The following GALNT7 variants were observed in gnomAD, a reference collection of about 807,000 sequenced individuals.
GALNT7 encodes the protein N-acetylgalactosaminyltransferase 7.
In GALNT7, 60 loss-of-function variants were observed where a neutral mutation model predicts 82.1. That is an observed-to-expected ratio of 0.73 (90% CI 0.59 to 0.91). GALNT7 has a LOEUF of 0.91. GALNT7 is among the 40% of genes least tolerant of loss of function. The pLI is 0.00. For synonymous variants in GALNT7, 243 were observed against 275.1 expected (o/e 0.88, Z 1.15); for missense variants, 660 against 804.2 (o/e 0.82, Z 2.17).
chr4:173,219,430 A>G (rs1207629865), intron 1 of GALNT7, among the ~76,000 whole-genome samples: 2 of 152,042 alleles, frequency 1.3e-5, no homozygotes, highest in African/African-American at 4.8e-5. Flanking sequence ...TGTTTTTGCA[A>G]TTGCGAATTG....
In GALNT7 at chr4:173,304,189, A is replaced by G. The variant is rs750565961; in HGVS notation, c.1389+71A>G. On this transcript the variant is annotated intron_variant, in intron 8 of 11. Coordinates refer to ENST00000265000, the MANE Select transcript of GALNT7 (RefSeq NM_017423.3). ...GTACCACATGCTATAGTAGTTACTT[A>G]ACAATTGTCAGCTTATTGAGTGGGC... The G allele has an allele frequency of 3.7e-4, 491 of 1,337,542 alleles. 1 individual carries two copies. The highest frequency in any genetic ancestry group is 4.8e-4 in the Non-Finnish European group (465 of 963,852). 82.9% of individuals were successfully genotyped at this position (1,337,542 alleles called of 1,614,324 possible). A position where few individuals can be genotyped will look rare whatever the true frequency, so the allele number is the denominator to read the frequency against.
At chr4:173,276,836 A>G (rs1735930003) in intron 2 of GALNT7, among the ~76,000 whole-genome samples, 1 of 152,142 alleles carries the variant, frequency 6.6e-6, no homozygotes, top group Non-Finnish European at 1.5e-5. Context: ...CTCATTTCAA[A>G]CAGTATTTTA....
intron 1 of GALNT7, among the ~76,000 whole-genome samples, chr4:173,217,729 C>T (rs548201306): frequency 5.9e-4 from 90 of 152,272 alleles, no homozygotes; most frequent in Non-Finnish European, 7.5e-4. Flanking sequence ...GCCATATGCG[C>T]TTTAAGACAC....
rs931180215 is a variant in GALNT7, at chr4:173,320,421, T to C, written c.1837-1159T>C. On this transcript the variant is annotated intron_variant, in intron 11 of 11. Transcript: ENST00000265000. The surrounding 1 kb of genome is among the most constrained non-coding windows in gnomAD (Gnocchi z 4.1). ...TGACATTTTTAATGAAAAATAACTA[T>C]GTTTACCCACAAAAAATAGTGAGAA... 6.6e-6 allele frequency among the ~76,000 whole-genome samples: 1 copy of C among 152,148 alleles called. No individual in the cohort carries two copies. The highest frequency in any genetic ancestry group is 2.1e-4 in the South Asian group (1 of 4,830).
chr4:173,297,224 T>A (rs1387691766), intron 5 of GALNT7, among the ~76,000 whole-genome samples: 1 of 151,806 alleles, frequency 6.6e-6, no homozygotes, highest in African/African-American at 2.4e-5. Flanking sequence ...TTTTTTTTTT[T>A]AAAGCAACAA....
At position 173,248,059 on chromosome 4, in the gene GALNT7, T is replaced by TG; in HGVS notation, c.208dup (p.Val70GlyfsTer7). The TG allele has an allele frequency of 6.2e-7, 1 of 1,613,648 alleles. No individual in the cohort carries two copies. The highest frequency in any genetic ancestry group is 8.5e-7 in the Non-Finnish European group (1 of 1,179,672). ...CCTGGGGAGGACAGATTCAAACCTG[T>TG]GGTACCATGGCCTCATGTTGAAGGA... is the stretch of plus-strand genomic sequence containing the variant. On this transcript the variant is annotated frameshift_variant, in exon 2 of 12. Coordinates refer to ENST00000265000, the MANE Select transcript of GALNT7 (RefSeq NM_017423.3). LOFTEE classifies it high-confidence loss of function.
intron 2 of GALNT7, among the ~76,000 whole-genome samples, chr4:173,280,542 T>C (rs1240974542): frequency 6.6e-6 from 1 of 152,170 alleles, no homozygotes; most frequent in African/African-American, 2.4e-5. Context: ...TAAGAATAAC[T>C]CTAATCATTG....
rs778484107 is a variant in GALNT7 at position 173,295,391 on chromosome 4, A to G, written c.755-5A>G. On this transcript the variant is annotated splice_region_variant and splice_polypyrimidine_tract_variant and intron_variant, in intron 3 of 11. Transcript: ENST00000265000. ...TTTATAATATCGATTGATTTTTCTT[A>G]ACAGAACACTTAAAAGAAAAACTGG... 1 of 1,555,234 alleles carries G rather than the reference A, an allele frequency of 6.4e-7. No homozygotes were observed. The highest frequency in any genetic ancestry group is 8.9e-7 in the Non-Finnish European group (1 of 1,128,598).
chr4:173,184,414 C>G (rs996742257), intron 1 of GALNT7, among the ~76,000 whole-genome samples: 4 of 152,016 alleles, frequency 2.6e-5, no homozygotes, highest in African/African-American at 9.7e-5. Context: ...CCGACCAACA[C>G]GGCGAAACCC....
chr4:173,193,704 T>C (rs1732692544), intron 1 of GALNT7, among the ~76,000 whole-genome samples: 1 of 152,152 alleles, frequency 6.6e-6, no homozygotes, highest in African/African-American at 2.4e-5. Flanking sequence ...GAAAAAGGCA[T>C]TTACCAACCT....
At position 173,180,340 on chromosome 4, in the gene GALNT7, T is replaced by TTA. The variant is rs1325010180; in HGVS notation, c.126+11380_126+11381insAT. 5.5e-4 allele frequency among the ~76,000 whole-genome samples: 83 copies of TTA among 150,556 alleles called. 1 individual carries two copies. In the East Asian group the frequency reaches 0.016, roughly 29 times the overall value. On this transcript the variant is annotated intron_variant, in intron 1 of 11. Transcript: ENST00000265000. Reference sequence around the variant, plus strand: ...TATTGGAGTTCCTTTTTTTTTTTTTTTTTTGAGATGGAGTTACACTGTTGT... The same window carrying TTA: ...TATTGGAGTTCCTTTTTTTTTTTTTTTATTTTGAGATGGAGTTACACTGTTGT...
At chr4:173,258,561 A>G (rs1735129614) in intron 2 of GALNT7, among the ~76,000 whole-genome samples, 1 of 152,218 alleles carries the variant, frequency 6.6e-6, no homozygotes, top group African/African-American at 2.4e-5. Context: ...GATCAGCAGC[A>G]TCACTGTCCC....
chr4:173,215,907 G>A (rs1733431149), intron 1 of GALNT7, among the ~76,000 whole-genome samples: 1 of 152,042 alleles, frequency 6.6e-6, no homozygotes, highest in South Asian at 2.1e-4. Context: ...CCAGGAGTTC[G>A]AGACCAGCCT....
At chr4:173,282,690 T>C (rs977611654) in intron 2 of GALNT7, among the ~76,000 whole-genome samples, 39 of 152,210 alleles carry the variant, frequency 2.6e-4, no homozygotes, top group African/African-American at 8.7e-4. Flanking sequence ...CCATTTACTT[T>C]ACCATTTGGA....
At chr4:173,230,977 G>A (rs1734012300) in intron 1 of GALNT7, among the ~76,000 whole-genome samples, 1 of 152,168 alleles carries the variant, frequency 6.6e-6, no homozygotes, top group Non-Finnish European at 1.5e-5. Flanking sequence ...CATAGCCACA[G>A]CACTACTTTT....
intron 1 of GALNT7, among the ~76,000 whole-genome samples, chr4:173,243,682 T>C (rs1734511252): frequency 6.6e-6 from 1 of 152,362 alleles, no homozygotes; most frequent in East Asian, 1.9e-4. Flanking sequence ...TATTTGGTTT[T>C]GCCTTCCGAT....
At chr4:173,181,585 TCATGGCA>T (rs767975029) in intron 1 of GALNT7, among the ~76,000 whole-genome samples, 1 of 152,368 alleles carries the variant, frequency 6.6e-6, no homozygotes, top group Non-Finnish European at 1.5e-5. Flanking sequence ...AGACTCTAAA[TCATGGCA>T]CATGTAACAC....
intron 1 of GALNT7, 62 bp from the exon 2 acceptor site, chr4:173,247,918 T>G: frequency 1.5e-5 from 16 of 1,084,896 alleles, no homozygotes; most frequent in Non-Finnish European, 1.9e-5. Flanking sequence ...ATTGGTCTCA[T>G]GAGCTCTACT....
At chr4:173,222,303 C>T (rs1460268593) in intron 1 of GALNT7, among the ~76,000 whole-genome samples, 1 of 152,100 alleles carries the variant, frequency 6.6e-6, no homozygotes. Context: ...GATGGAGTCT[C>T]GCTCTGACCC....
Sources: allele counts gnomAD v4.1 joint callset (sites outside exome capture counted in the v4.1 genomes callset), GRCh38; gene constraint gnomAD v4.1.1; non-coding constraint Gnocchi (gnomAD v3.1); transcripts MANE v1.5; gene names NCBI Gene and HGNC (gene_info 2026-07-23, HGNC 2026-07-21).